Variants in CLPB observed in about 807,000 individuals in gnomAD.
CLPB encodes the protein ClpB family mitochondrial disaggregase.
CLPB carries 40 observed loss-of-function variants against 78.4 expected under a neutral mutation model. The observed-to-expected ratio is 0.51, with a 90% confidence interval of 0.40 to 0.66. The LOEUF (loss-of-function observed/expected upper bound fraction) is 0.66. CLPB is among the 30% of genes least tolerant of loss of function. The pLI is 0.00. For missense variants in CLPB, 780 were observed against 886.9 expected (o/e 0.88, Z 1.53); for synonymous variants, 333 against 348.0 (o/e 0.96, Z 0.48).
chr11:72,293,598 C>T lies in CLPB; in HGVS notation c.1803G>A (p.Val601=), dbSNP rs766600801. ...SIKHEVERRV[V]NQLAAAYEQD... ...GCTCATAGGCTGCTGCCAGCTGGTT[C>T]ACCACACGGCGTTCTACCTGTCGGT... is the stretch of plus-strand genomic sequence containing the variant. Residue 601 remains valine, a synonymous_variant, in exon 16 of 16, where the codon GTG becomes GTA. Transcript: ENST00000538039. 26 of 1,612,102 alleles carry T rather than the reference C, an allele frequency of 1.6e-5. No homozygotes were observed. In the African/African-American group the frequency reaches 3.3e-4, roughly 21 times the overall value.
intron 5 of CLPB, among the ~76,000 whole-genome samples, chr11:72,358,035 C>T (rs1950753163): frequency 6.6e-6 from 1 of 152,150 alleles, no homozygotes; most frequent in Non-Finnish European, 1.5e-5. Context: ...AGATGCTTCC[C>T]ACACTCTCCC....
chr11:72,402,904 C>G, intron 3 of CLPB, 62 bp downstream of exon 3: 1 of 1,421,530 alleles, frequency 7.0e-7, no homozygotes, highest in East Asian at 2.3e-5. Context: ...TGGGAGAGTG[C>G]TCAGGAGCAC....
At chr11:72,413,387 T>TTCC (rs1466672803) in intron 2 of CLPB, among the ~76,000 whole-genome samples, 6 of 150,260 alleles carry the variant, frequency 4.0e-5, no homozygotes, top group Admixed American at 2.6e-4. Context: ...TCCTTTTCTA[T>TTCC]TTTTTTTTGC....
At chr11:72,411,592 C>T (rs1411326815) in intron 2 of CLPB, among the ~76,000 whole-genome samples, 1 of 152,198 alleles carries the variant, frequency 6.6e-6, no homozygotes, top group Non-Finnish European at 1.5e-5. Context: ...CTCAGCAAGA[C>T]TTCCAACGAA....
At chr11:72,296,719 G>A (rs1487253114) in intron 11 of CLPB, among the ~76,000 whole-genome samples, 2 of 152,152 alleles carry the variant, frequency 1.3e-5, no homozygotes, top group Non-Finnish European at 2.9e-5. Flanking sequence ...TAGGAAAGTG[G>A]CTCCTTGACA....
intron 3 of CLPB, among the ~76,000 whole-genome samples, chr11:72,389,096 G>A (rs1855171559): frequency 6.6e-6 from 1 of 152,214 alleles, no homozygotes; most frequent in East Asian, 1.9e-4. Flanking sequence ...ACTGGTACCA[G>A]AAGTCAAGGC....
At chr11:72,411,474 G>A (rs2135111981) in intron 2 of CLPB, among the ~76,000 whole-genome samples, 1 of 152,280 alleles carries the variant, frequency 6.6e-6, no homozygotes, top group East Asian at 1.9e-4. Context: ...GTAAAAGAAG[G>A]AAATGAATGA....
chr11:72,296,898 C>T (rs896474962), intron 11 of CLPB, among the ~76,000 whole-genome samples: 3 of 152,136 alleles, frequency 2.0e-5, no homozygotes, highest in Non-Finnish European at 4.4e-5. Context: ...ATAACTTGTT[C>T]GAGGTTTCAC....
At chr11:72,305,447 A>G (rs1949730210) in intron 9 of CLPB, among the ~76,000 whole-genome samples, 1 of 152,252 alleles carries the variant, frequency 6.6e-6, no homozygotes, top group African/African-American at 2.4e-5. Flanking sequence ...GTGATGACAT[A>G]AGTGATGAGC....
intron 2 of CLPB, among the ~76,000 whole-genome samples, chr11:72,404,234 G>C (rs947342183): frequency 6.6e-6 from 1 of 152,208 alleles, no homozygotes; most frequent in Non-Finnish European, 1.5e-5. Flanking sequence ...GTGAGGAGAA[G>C]ACATGGCTCA....
At chr11:72,297,019 C>A (rs938203546) in intron 11 of CLPB, among the ~76,000 whole-genome samples, 1 of 152,220 alleles carries the variant, frequency 6.6e-6, no homozygotes, top group Non-Finnish European at 1.5e-5. Flanking sequence ...AATGAGGCCT[C>A]GTGCTATTTT....
intron 12 of CLPB, 118 bp from the exon 13 acceptor site, chr11:72,294,811 G>A: frequency 1.2e-6 from 1 of 869,386 alleles, no homozygotes; most frequent in Non-Finnish European, 1.9e-6. Context: ...TGTGGTCCTG[G>A]TCAAGGTCTA....
chr11:72,405,290 G>A (rs1855677195), intron 2 of CLPB, among the ~76,000 whole-genome samples: 1 of 152,248 alleles, frequency 6.6e-6, no homozygotes, highest in African/African-American at 2.4e-5. Context: ...GAAACAGACA[G>A]CTGCTGAGGC....
rs1565418711 is a variant in CLPB at position 72,294,437 on chromosome 11, A to C, written c.1568T>G (p.Phe523Cys). 1 of 1,614,150 alleles carries C rather than the reference A, an allele frequency of 6.2e-7. No individual in the cohort carries two copies. The highest frequency in any genetic ancestry group is 8.5e-7 in the Non-Finnish European group (1 of 1,180,024). ...NVIRPILKAH[F>C]RRDEFLGRIN... ...CCGTCCCAGAAACTCATCCCTCCGGAAGTGAGCCTGAAGGGCCAGGTTAGG... is the reference window on the plus strand; with the variant it reads ...CCGTCCCAGAAACTCATCCCTCCGGCAGTGAGCCTGAAGGGCCAGGTTAGG... Residue 523 changes from phenylalanine (F) to cysteine (C), a missense_variant, in exon 14 of 16, where the codon TTC becomes TGC. By Grantham distance (205) the Phe-to-Cys change is radical. Coordinates refer to ENST00000538039, the MANE Select transcript of CLPB (RefSeq NM_001258392.3).
intron 5 of CLPB, among the ~76,000 whole-genome samples, chr11:72,348,479 T>C (rs550244375): frequency 1.3e-5 from 2 of 152,304 alleles, no homozygotes; most frequent in Admixed American, 1.3e-4. Flanking sequence ...TCCTGGCTCC[T>C]GTGGACAGCT....
rs899198566 is a variant in CLPB at position 72,291,978 on chromosome 11, G to C, written c.*1389C>G. On this transcript the variant is annotated 3_prime_UTR_variant, in exon 16 of 16. Transcript: ENST00000538039. ...GAATGGCGTGAACCTGGGAGGCAGG[G>C]CTTGCAGTGAGCCGAGATCGCGCCA... 1 of 149,102 alleles carries C rather than the reference G, an allele frequency of 6.7e-6. No homozygotes were observed. Among genetic ancestry groups the C allele is most frequent in the Admixed American group, 6.7e-5 (1 of 14,924 alleles). The allele number at this position is 149,102 out of a possible 1,614,324, so 9.2% of individuals were successfully genotyped here.
chr11:72,364,496 T>C (rs1950903772), intron 4 of CLPB, among the ~76,000 whole-genome samples: 1 of 151,926 alleles, frequency 6.6e-6, no homozygotes, highest in South Asian at 2.1e-4. Context: ...TGTGAGTCAC[T>C]GCGCCCGGCC....
intron 7 of CLPB, 71 bp downstream of exon 7, chr11:72,317,035 C>T: frequency 2.0e-6 from 2 of 979,412 alleles, no homozygotes; most frequent in South Asian, 1.6e-5. Context: ...AGCGCCTATC[C>T]AGTTTGGTGA....
At chr11:72,410,833 T>C (rs1039605045) in intron 2 of CLPB, 4 of 152,246 alleles carry the variant, frequency 2.6e-5, no homozygotes, top group East Asian at 1.9e-4. Context: ...TTACCACTGA[T>C]TGGGGAAGGG....
Sources: gnomAD v4.1 joint callset for allele counts (sites outside exome capture counted in the v4.1 genomes callset) on GRCh38, gnomAD v4.1.1 for gene constraint, MANE v1.5 for transcripts, NCBI Gene and HGNC (gene_info 2026-07-23, HGNC 2026-07-21) for gene names.